Variants in RYR2 observed in about 807,000 individuals in gnomAD.
RYR2 encodes the protein ryanodine receptor 2, also known as cardiac muscle ryanodine receptor-calcium release channel.
RYR2 carries 227 observed loss-of-function variants against 601.1 expected under a neutral mutation model. That is an observed-to-expected ratio of 0.38 (90% CI 0.34 to 0.42). The LOEUF is 0.42. Among genes scored for constraint, RYR2 ranks in the 10% least tolerant of loss-of-function variants. The probability of loss-of-function intolerance (pLI) is 1.00; values close to 1 mark genes in which losing one functional copy is unlikely to be tolerated. For synonymous variants in RYR2, 2,223 were observed against 2,175.1 expected, an observed-to-expected ratio of 1.02 and a Z score of -0.61; for missense variants, 4,646 against 6,156.5, an observed-to-expected ratio of 0.75 and a Z score of 8.21.
chr1:237,052,583 G>A (rs1260864055), intron 1 of RYR2, among the ~76,000 whole-genome samples: 2 of 152,124 alleles, frequency 1.3e-5, no homozygotes, highest in African/African-American at 4.8e-5. Flanking sequence ...GTTGACATTT[G>A]GGGGAGTGGG....
intron 10 of RYR2, among the ~76,000 whole-genome samples, chr1:237,407,606 GTT>G (rs1704030181): frequency 9.6e-5 from 5 of 52,066 alleles, no homozygotes; most frequent in African/African-American, 3.4e-4. Flanking sequence ...TTAAATTGTG[GTT>G]GTTTTTTTTT....
intron 1 of RYR2, among the ~76,000 whole-genome samples, chr1:237,260,820 T>C (rs1688437091): frequency 6.6e-6 from 1 of 152,222 alleles, no homozygotes; most frequent in Admixed American, 6.5e-5. Context: ...TGGACAAAAA[T>C]TCTTAAAGGT....
At chr1:237,659,563 C>T (rs993724613) in intron 54 of RYR2, among the ~76,000 whole-genome samples, 1 of 152,278 alleles carries the variant, frequency 6.6e-6, no homozygotes, top group East Asian at 1.9e-4. Context: ...TTTGTATTTA[C>T]ACTTCATAGG....
chr1:237,340,035 G>A (rs1453378855), intron 3 of RYR2, among the ~76,000 whole-genome samples: 1 of 152,148 alleles, frequency 6.6e-6, no homozygotes, highest in Non-Finnish European at 1.5e-5. Context: ...GAAGAGAACT[G>A]CATGTGAAAA....
chr1:237,484,594 GTAGAGCACTC>G (rs954065873), intron 17 of RYR2, among the ~76,000 whole-genome samples: 3 of 152,186 alleles, frequency 2.0e-5, no homozygotes, highest in African/African-American at 7.2e-5. Flanking sequence ...GTCAGCCTAC[GTAGAGCACTC>G]TTGCCCTGTG....
At chr1:237,351,018 G>T (rs146179915) in intron 3 of RYR2, among the ~76,000 whole-genome samples, 81 of 152,208 alleles carry the variant, frequency 5.3e-4, no homozygotes, top group African/African-American at 1.8e-3. Flanking sequence ...TATGGAGGAA[G>T]TATAAGCAAA....
chr1:237,548,513 G>A lies in RYR2; in HGVS notation c.2989G>A (p.Asp997Asn). 1 of 1,613,992 alleles carries A rather than the reference G, an allele frequency of 6.2e-7. No homozygotes were observed. Among genetic ancestry groups the A allele is most frequent in the East Asian group, 2.2e-5 (1 of 44,886 alleles). Residue 997 changes from aspartate to asparagine, a missense_variant, in exon 26 of 105, where the codon GAC (aspartate) becomes AAC (asparagine). By Grantham distance (23) the Asp-to-Asn change is conservative. Coordinates refer to ENST00000366574, the MANE Select transcript of RYR2 (RefSeq NM_001035.3). ...KLTPSQEAMV[D>N]KLAENAHNVW... The stretch of plus-strand genomic sequence containing the variant: ...CACCCCATCACAAGAAGCAATGGTG[G>A]ACAAGTTGGCAGAAAATGCACATAA...
chr1:237,309,572 C>T (rs1445018759), intron 2 of RYR2, among the ~76,000 whole-genome samples: 1 of 152,254 alleles, frequency 6.6e-6, no homozygotes, highest in Non-Finnish European at 1.5e-5. Context: ...GCTTCACCTA[C>T]TGGATCCCAC....
intron 2 of RYR2, among the ~76,000 whole-genome samples, chr1:237,300,314 T>C (rs1693222950): frequency 6.6e-6 from 1 of 152,168 alleles, no homozygotes; most frequent in Non-Finnish European, 1.5e-5. Context: ...TCTGCTTAGT[T>C]GGGAATCTAG....
At chr1:237,650,231 A>G in intron 50 of RYR2, 134 bp downstream of exon 50, 1 of 794,052 alleles carries the variant, frequency 1.3e-6, no homozygotes, top group African/African-American at 1.7e-5. Flanking sequence ...GTAGTCCCAT[A>G]TACTGAGGTA....
In RYR2 at chr1:237,503,424, A is replaced by G; in HGVS notation, c.2532A>G (p.Arg844=). The G allele has an allele frequency of 6.2e-7, 1 of 1,613,992 alleles. No homozygotes were observed. Among genetic ancestry groups the G allele is most frequent in the Non-Finnish European group, 8.5e-7 (1 of 1,179,896 alleles). ...ACAGCCGAGAGTACAAGCAAGAAAG[A>G]ACTTACACACGCGACCTGCTGGGCC... ...VEHSREYKQE[R]TYTRDLLGPT... Residue 844 remains arginine, a synonymous_variant, in exon 22 of 105, where the codon AGA becomes AGG. Transcript: ENST00000366574.
intron 68 of RYR2, among the ~76,000 whole-genome samples, chr1:237,708,263 GT>G (rs1249293657): frequency 5.9e-5 from 9 of 152,084 alleles, no homozygotes; most frequent in Non-Finnish European, 8.8e-5. Context: ...ATTAATTTGG[GT>G]AGATGATTAT....
chr1:237,383,417 GTTTTTTTTTTTTTT>G (rs10567644), intron 8 of RYR2, among the ~76,000 whole-genome samples: 25 of 50,578 alleles, frequency 4.9e-4, no homozygotes, highest in Admixed American at 1.0e-3. Context: ...CTTTTTTCTT[GTTTTTTTTTTTTTT>G]TTTTTTTTTT....
intron 100 of RYR2, among the ~76,000 whole-genome samples, chr1:237,809,259 G>T (rs1394624850): frequency 6.6e-6 from 1 of 152,194 alleles, no homozygotes; most frequent in Non-Finnish European, 1.5e-5. Flanking sequence ...AATTAGAATT[G>T]CTGAGTAATG....
chr1:237,119,368 A>G (rs940396685), intron 1 of RYR2, among the ~76,000 whole-genome samples: 1 of 152,214 alleles, frequency 6.6e-6, no homozygotes, highest in Admixed American at 6.5e-5. Context: ...GTACTTGGTT[A>G]AGATGGTCAG....
At chr1:237,043,871 T>A (rs1485915600) in intron 1 of RYR2, among the ~76,000 whole-genome samples, 8 of 152,238 alleles carry the variant, frequency 5.3e-5, no homozygotes, top group South Asian at 2.1e-4. Context: ...ATAGTCTTGA[T>A]GTATTTGGGT....
At chr1:237,064,759 T>A (rs57277204) in intron 1 of RYR2, among the ~76,000 whole-genome samples, 40 of 9,068 alleles carry the variant, frequency 4.4e-3, no homozygotes, top group Non-Finnish European at 8.6e-3. Context: ...GTCTTTTTTT[T>A]TTTTTTTTTT....
At chr1:237,715,543 T>C (rs537249939) in intron 71 of RYR2, among the ~76,000 whole-genome samples, 2 of 152,330 alleles carry the variant, frequency 1.3e-5, no homozygotes, top group South Asian at 4.1e-4. Flanking sequence ...TAGTGTTGAT[T>C]ATTTTTATTA....
chr1:237,705,086 G>T (rs1464067901), intron 66 of RYR2, 127 bp from the exon 67 acceptor site: 2 of 763,436 alleles, frequency 2.6e-6, no homozygotes, highest in African/African-American at 1.8e-5. Context: ...ACAGAAATTG[G>T]ATTTGGGAGT....
Sources: gnomAD v4.1 joint callset for allele counts (sites outside exome capture counted in the v4.1 genomes callset) on GRCh38, gnomAD v4.1.1 for gene constraint, MANE v1.5 for transcripts, NCBI Gene and HGNC (gene_info 2026-07-23, HGNC 2026-07-21) for gene names.